The following SUGCT variants were observed in gnomAD, a reference collection of about 807,000 sequenced individuals.
The protein encoded by SUGCT is succinyl-CoA:glutarate-CoA transferase.
SUGCT carries 41 observed loss-of-function variants against 55.0 expected under a neutral mutation model. The observed-to-expected ratio is 0.74, with a 90% CI of 0.58 to 0.97. SUGCT has a LOEUF of 0.97. Among genes scored for constraint, SUGCT ranks in the 50% least tolerant of loss-of-function variants. The pLI, the probability that SUGCT is intolerant of heterozygous loss-of-function variation, is 0.00. For synonymous variants in SUGCT, 187 were observed against 200.4 expected, an observed-to-expected ratio of 0.93 and a Z score of 0.56; for missense variants, 568 against 547.8, an observed-to-expected ratio of 1.04 and a Z score of -0.37.
At chr7:40,531,577 TAAG>T (rs1794089810) in intron 12 of SUGCT, among the ~76,000 whole-genome samples, 1 of 151,086 alleles carries the variant, frequency 6.6e-6, no homozygotes, top group African/African-American at 2.4e-5. Context: ...CTTAAGATTA[TAAG>T]AAGCAAGAAG....
In SUGCT at chr7:40,256,802, G is replaced by A. The variant is rs57920895; in HGVS notation, c.577-17711G>A. Among the ~76,000 whole-genome samples, 281 of 152,248 alleles carry A rather than the reference G, an allele frequency of 1.8e-3. 3 individuals carry two copies. Among genetic ancestry groups the A allele is most frequent in the African/African-American group, 6.4e-3 (267 of 41,540 alleles). ...TCTGTCACCCAGGCTGAAGGGCAGT[G>A]GTGCCATCTCGGCTCATTGCAACCT... On this transcript the variant is annotated intron_variant, in intron 7 of 13. Coordinates refer to ENST00000335693, the MANE Select transcript of SUGCT (RefSeq NM_001193313.2).
chr7:40,849,059 A>T (rs1165644465), intron 13 of SUGCT, among the ~76,000 whole-genome samples: 1 of 152,174 alleles, frequency 6.6e-6, no homozygotes, highest in African/African-American at 2.4e-5. Context: ...GCTTCTTACT[A>T]CACTACTAAG....
intron 13 of SUGCT, among the ~76,000 whole-genome samples, chr7:40,853,735 G>A (rs1217450473): frequency 6.6e-6 from 1 of 152,146 alleles, no homozygotes; most frequent in African/African-American, 2.4e-5. Flanking sequence ...ACCCTTTAAA[G>A]AGCCTCAGTT....
At chr7:40,444,163 T>A (rs1788679304) in intron 9 of SUGCT, among the ~76,000 whole-genome samples, 1 of 152,200 alleles carries the variant, frequency 6.6e-6, no homozygotes, top group Non-Finnish European at 1.5e-5. Context: ...GCGTGATGCC[T>A]CCAGCTTTGT....
chr7:40,893,166 C>T, the SUGCT span, among the ~76,000 whole-genome samples: 1 of 151,736 alleles, frequency 6.6e-6, no homozygotes, highest in Non-Finnish European at 1.5e-5. Context: ...CATCAGGGTC[C>T]CTAAATATAT....
intron 13 of SUGCT, among the ~76,000 whole-genome samples, chr7:40,750,244 A>C (rs1039057262): frequency 1.3e-5 from 2 of 152,190 alleles, no homozygotes; most frequent in African/African-American, 4.8e-5. Flanking sequence ...TTTATCAGAT[A>C]TGTTTTTTCT....
intron 12 of SUGCT, among the ~76,000 whole-genome samples, chr7:40,696,872 G>A (rs1266391973): frequency 1.3e-5 from 2 of 152,142 alleles, no homozygotes; most frequent in South Asian, 4.1e-4. Context: ...GCAAACTAGG[G>A]TCTGTGGAAT....
At chr7:40,432,739 C>A (rs1412345113) in intron 9 of SUGCT, among the ~76,000 whole-genome samples, 2 of 145,826 alleles carry the variant, frequency 1.4e-5, no homozygotes, top group Admixed American at 6.8e-5. Context: ...TTGTCTTGGT[C>A]TTTGGACAAT....
At chr7:40,772,466 C>A (rs1789155645) in intron 13 of SUGCT, among the ~76,000 whole-genome samples, 1 of 151,128 alleles carries the variant, frequency 6.6e-6, no homozygotes, top group African/African-American at 2.4e-5. Flanking sequence ...ATCTCCAGAG[C>A]ATATCCTTAT....
intron 12 of SUGCT, among the ~76,000 whole-genome samples, chr7:40,702,908 G>T (rs532385438): frequency 1.2e-4 from 18 of 152,254 alleles, no homozygotes; most frequent in Non-Finnish European, 1.5e-5. Flanking sequence ...AAGCGTGCAA[G>T]AATATTTGGG....
At chr7:40,685,897 G>A (rs1169135561) in intron 12 of SUGCT, among the ~76,000 whole-genome samples, 4 of 152,092 alleles carry the variant, frequency 2.6e-5, no homozygotes, top group Non-Finnish European at 1.5e-5. Context: ...AAGCAATTTG[G>A]AAGTTTTCTT....
chr7:40,689,851 G>T (rs1784615743), intron 12 of SUGCT, among the ~76,000 whole-genome samples: 1 of 152,012 alleles, frequency 6.6e-6, no homozygotes, highest in African/African-American at 2.4e-5. Flanking sequence ...TTTACTCAGG[G>T]TACTCTCTTC....
At chr7:40,929,048 A>T in the SUGCT span, among the ~76,000 whole-genome samples, 1 of 152,060 alleles carries the variant, frequency 6.6e-6, no homozygotes, top group Non-Finnish European at 1.5e-5. Flanking sequence ...CTTGTCATTT[A>T]CGTTAGGTAT....
At chr7:41,004,669 G>T in the SUGCT span, among the ~76,000 whole-genome samples, 2 of 152,226 alleles carry the variant, frequency 1.3e-5, no homozygotes, top group African/African-American at 4.8e-5. Context: ...ACATCAGTAA[G>T]TTGCAACTCC....
chr7:40,289,078 C>T (rs946370713), intron 8 of SUGCT, among the ~76,000 whole-genome samples: 1 of 152,156 alleles, frequency 6.6e-6, no homozygotes, highest in Non-Finnish European at 1.5e-5. Context: ...AAAATAGTCT[C>T]CAAAGATGTC....
intron 12 of SUGCT, among the ~76,000 whole-genome samples, chr7:40,705,594 C>T (rs925829921): frequency 1.4e-4 from 22 of 152,220 alleles, no homozygotes; most frequent in African/African-American, 5.3e-4. Flanking sequence ...CTATATCTTT[C>T]AGACCCCAGA....
intron 8 of SUGCT, among the ~76,000 whole-genome samples, chr7:40,296,214 T>C (rs534134460): frequency 6.6e-6 from 1 of 152,344 alleles, no homozygotes; most frequent in Admixed American, 6.5e-5. Flanking sequence ...AAATAAAAGA[T>C]AGGTTATTAC....
At chr7:40,474,138 A>G (rs1001744957) in intron 11 of SUGCT, among the ~76,000 whole-genome samples, 14 of 151,858 alleles carry the variant, frequency 9.2e-5, no homozygotes, top group Non-Finnish European at 1.8e-4. Context: ...AATATAAATT[A>G]TTTAAAGTAG....
intron 12 of SUGCT, among the ~76,000 whole-genome samples, chr7:40,623,920 A>G (rs577943325): frequency 1.3e-5 from 2 of 152,234 alleles, no homozygotes; most frequent in East Asian, 3.9e-4. Context: ...TCTCTCTGGG[A>G]TACTGGGTTT....
Sources: gnomAD v4.1 joint callset for allele counts (sites outside exome capture counted in the v4.1 genomes callset) on GRCh38, gnomAD v4.1.1 for gene constraint, MANE v1.5 for transcripts, NCBI Gene and HGNC (gene_info 2026-07-23, HGNC 2026-07-21) for gene names.